Variants in DMGDH observed in about 807,000 individuals in gnomAD.
DMGDH encodes dimethylglycine dehydrogenase.
A neutral mutation model predicts 95.2 loss-of-function variants in DMGDH; 76 were observed. The observed-to-expected ratio is 0.80, with a 90% CI of 0.66 to 0.97. The LOEUF (loss-of-function observed/expected upper bound fraction) is 0.97, where lower values mean the gene tolerates loss of function less well. Among genes scored for constraint, DMGDH ranks in the 50% least tolerant of loss-of-function variants. DMGDH has a pLI of 0.00. For synonymous variants in DMGDH, 345 were observed against 377.6 expected, an observed-to-expected ratio of 0.91 and a Z score of 1.00; for missense variants, 987 against 1,055.0, an observed-to-expected ratio of 0.94 and a Z score of 0.89.
chr5:79,062,003 C>T (rs16876470), intron 2 of DMGDH, among the ~76,000 whole-genome samples: 10,832 of 152,126 alleles, frequency 0.071, 863 homozygotes, highest in African/African-American at 0.18. Context: ...AACATTAAAG[C>T]GTATGCCCTC....
At position 79,028,442 on chromosome 5, in the gene DMGDH, A is replaced by C. The variant is rs779975399; in HGVS notation, c.2023T>G (p.Ser675Ala). ...SNIPVTAIRI[S>A]YTGELGWELY... ...TGTTTTCCAATCTTACCAGTATAAG[A>C]TATCCTAATAGCAGTGACAGGAATG... The change falls in exon 12 of 16, where the codon TCT becomes GCT. Residue 675 changes from serine to alanine, a missense_variant. Transcript: ENST00000255189. 1.2e-6 allele frequency: 2 copies of C among 1,612,202 alleles called. No individual in the cohort carries two copies. The highest frequency in any genetic ancestry group is 3.3e-5 in the Admixed American group (2 of 60,008).
At chr5:79,056,173 T>G (rs992555316) in intron 2 of DMGDH, among the ~76,000 whole-genome samples, 16 of 152,158 alleles carry the variant, frequency 1.1e-4, no homozygotes, top group Admixed American at 1.0e-3. Flanking sequence ...TTAACATGGA[T>G]AGCGTTGTAC....
At position 79,029,938 on chromosome 5, in the gene DMGDH, T is replaced by G. The variant is rs773219098; in HGVS notation, c.1780A>C (p.Ile594Leu). ...SHQSPGEFLL[I>L]TGSGSELHDL... ...TGAAGTTCTGATCCAGAGCCAGTAA[T>G]TAAAAGAAACTCCCCAGGAGATTGG... is the stretch of plus-strand genomic sequence containing the variant. The change falls in exon 11 of 16, where the codon ATT becomes CTT. Residue 594 changes from isoleucine to leucine, a missense_variant. Physicochemically the swap from Ile to Leu is conservative, Grantham distance 5 (BLOSUM62 2). Coordinates refer to ENST00000255189, the MANE Select transcript of DMGDH (RefSeq NM_013391.3). 2.5e-6 allele frequency: 4 copies of G among 1,614,080 alleles called. No homozygotes were observed. The Admixed American group carries it at 6.7e-5, about 27-fold the overall frequency.
intron 7 of DMGDH, among the ~76,000 whole-genome samples, chr5:79,040,442 A>G (rs753370163): frequency 1.3e-5 from 2 of 152,242 alleles, no homozygotes; most frequent in Non-Finnish European, 2.9e-5. Flanking sequence ...ACCTCACGTC[A>G]TATGCAAGAA....
At chr5:79,055,962 G>A (rs1284913108) in intron 2 of DMGDH, 54 bp from the exon 3 acceptor site, 5 of 1,186,050 alleles carry the variant, frequency 4.2e-6, no homozygotes, top group Non-Finnish European at 5.0e-6. Flanking sequence ...TTCTCAAAAT[G>A]TTGACAGTTT....
In DMGDH at chr5:78,997,975, T is replaced by C. The variant is rs1753388025; in HGVS notation, c.*107A>G. Reference sequence around the variant, plus strand: ...AGATTCTAAATTTAGACTTTGATGATTTTGAAATGAATTCCTGGTTTCCTC... The same window carrying C: ...AGATTCTAAATTTAGACTTTGATGACTTTGAAATGAATTCCTGGTTTCCTC... On this transcript the variant is annotated 3_prime_UTR_variant, in exon 16 of 16. Coordinates refer to ENST00000255189, the MANE Select transcript of DMGDH (RefSeq NM_013391.3). The C allele has an allele frequency of 9.9e-6, 12 of 1,212,310 alleles. No individual in the cohort carries two copies. Among genetic ancestry groups the C allele is most frequent in the Non-Finnish European group, 1.3e-5 (11 of 838,196 alleles). The allele number at this position is 1,212,310 out of a possible 1,614,324, so 75.1% of individuals were successfully genotyped here.
chr5:79,059,562 T>C (rs1469940998), intron 2 of DMGDH, among the ~76,000 whole-genome samples: 1 of 152,234 alleles, frequency 6.6e-6, no homozygotes, highest in East Asian at 1.9e-4. Context: ...AAACTCCTCA[T>C]TTAGAAAAAA....
rs551557881 is a variant in DMGDH at position 79,005,124 on chromosome 5, G to A, written c.2385+149C>T. 1.6e-5 allele frequency: 17 copies of A among 1,066,922 alleles called. 1 individual carries two copies. In the South Asian group the frequency reaches 2.2e-4, roughly 14 times the overall value. 66.1% of individuals were successfully genotyped at this position (1,066,922 alleles called of 1,614,324 possible). A position where few individuals can be genotyped will look rare whatever the true frequency, so the allele number is the denominator to read the frequency against. ...TTTTCCTTTCAGTCAATTGCGTTCTGTCTTTTGAATGTCAGCTCAGAAATC... is the reference window on the plus strand; with the variant it reads ...TTTTCCTTTCAGTCAATTGCGTTCTATCTTTTGAATGTCAGCTCAGAAATC... On this transcript the variant is annotated intron_variant, in intron 15 of 15. Coordinates refer to ENST00000255189, the MANE Select transcript of DMGDH (RefSeq NM_013391.3).
At chr5:79,000,651 C>T in intron 15 of DMGDH, 1 of 613,900 alleles carries the variant, frequency 1.6e-6, no homozygotes. Context: ...CTTTCTTTGC[C>T]TCTGGGCCTG....
intron 5 of DMGDH, among the ~76,000 whole-genome samples, chr5:79,049,819 A>G (rs1754783626): frequency 6.6e-6 from 1 of 152,188 alleles, no homozygotes; most frequent in Non-Finnish European, 1.5e-5. Flanking sequence ...TGCAAATTTC[A>G]AATTATATTA....
intron 15 of DMGDH, among the ~76,000 whole-genome samples, chr5:79,004,591 CA>C (rs1753510880): frequency 6.6e-6 from 1 of 151,964 alleles, no homozygotes; most frequent in Non-Finnish European, 1.5e-5. Flanking sequence ...TCAGTTTCAA[CA>C]AAATTGGGTT....
chr5:79,005,149 C>A, intron 15 of DMGDH, 124 bp downstream of exon 15: 1 of 1,326,796 alleles, frequency 7.5e-7, no homozygotes, highest in Non-Finnish European at 1.1e-6. Flanking sequence ...GCTCAGAAAT[C>A]AAAAGCGTGT....
At chr5:79,054,459 G>T in intron 3 of DMGDH, 111 bp from the exon 4 acceptor site, 2 of 1,079,982 alleles carry the variant, frequency 1.9e-6, no homozygotes, top group Non-Finnish European at 2.8e-6. Flanking sequence ...TTTATTACGA[G>T]TGAAAGAAAT....
At chr5:79,029,793 T>C in intron 11 of DMGDH, 111 bp downstream of exon 11, 1 of 1,151,038 alleles carries the variant, frequency 8.7e-7, no homozygotes, top group Non-Finnish European at 1.2e-6. Flanking sequence ...AACAATCAGG[T>C]TTAAGAAGAA....
intron 7 of DMGDH, among the ~76,000 whole-genome samples, chr5:79,038,893 C>T (rs940397734): frequency 8.6e-5 from 13 of 151,970 alleles, no homozygotes; most frequent in East Asian, 1.9e-4. Flanking sequence ...AAAAAGTGGG[C>T]GAAGGATGTG....
intron 2 of DMGDH, among the ~76,000 whole-genome samples, chr5:79,060,751 T>C (rs777246210): frequency 1.3e-5 from 2 of 151,792 alleles, no homozygotes; most frequent in Non-Finnish European, 2.9e-5. Flanking sequence ...AAACCTCATC[T>C]CTACTAAAAA....
chr5:78,999,004 A>G (rs574276211), intron 15 of DMGDH, among the ~76,000 whole-genome samples: 17 of 152,366 alleles, frequency 1.1e-4, no homozygotes, highest in Admixed American at 4.6e-4. Flanking sequence ...GGAAGACAAC[A>G]AAAGTAAAAC....
intron 15 of DMGDH, chr5:79,001,062 A>G (rs1249511194): frequency 1.2e-5 from 8 of 665,436 alleles, no homozygotes; most frequent in South Asian, 1.2e-4. Flanking sequence ...ATCAATGGCT[A>G]CCATTGCTTC....
intron 14 of DMGDH, among the ~76,000 whole-genome samples, chr5:79,012,942 C>A (rs1162578367): frequency 6.6e-6 from 1 of 152,212 alleles, no homozygotes; most frequent in Non-Finnish European, 1.5e-5. Flanking sequence ...CCTTCAAGAC[C>A]TTTTTCCCCA....
Sources: allele counts gnomAD v4.1 joint callset (sites outside exome capture counted in the v4.1 genomes callset), GRCh38; gene constraint gnomAD v4.1.1; transcripts MANE v1.5; gene names NCBI Gene and HGNC (gene_info 2026-07-23, HGNC 2026-07-21).